The following WDPCP variants were observed in gnomAD, a reference collection of about 807,000 sequenced individuals.
The protein encoded by WDPCP is WD repeat-containing and planar cell polarity effector protein fritz homolog.
In WDPCP, 71 loss-of-function variants were observed where a neutral mutation model predicts 93.1. That is an observed-to-expected ratio of 0.76 (90% confidence interval 0.63 to 0.93). The LOEUF is 0.93. Among genes scored for constraint, WDPCP ranks in the 40% least tolerant of loss-of-function variants. The pLI is 0.00. For missense variants in WDPCP, 844 were observed against 887.4 expected (o/e 0.95, Z 0.62); for synonymous variants, 315 against 315.0 (o/e 1.00, Z 0.00).
chr2:63,713,169 A>C (rs1669288309), intron 2 of WDPCP, among the ~76,000 whole-genome samples: 1 of 152,210 alleles, frequency 6.6e-6, no homozygotes, highest in South Asian at 2.1e-4. Flanking sequence ...CCTCCAAGAA[A>C]GAGTGAGGTC....
intron 13 of WDPCP, among the ~76,000 whole-genome samples, chr2:63,269,846 G>A (rs1002423232): frequency 1.3e-5 from 2 of 152,058 alleles, no homozygotes; most frequent in Non-Finnish European, 2.9e-5. Flanking sequence ...TTTAAACCCT[G>A]GTCAAAGTTG....
intron 4 of WDPCP, 21 bp from the exon 5 acceptor site, chr2:63,485,008 T>C: frequency 6.2e-7 from 1 of 1,611,914 alleles, no homozygotes; most frequent in Middle Eastern, 1.7e-4. Flanking sequence ...AAACATGTAC[T>C]ACAGTTAGTT....
chr2:63,125,257 G>A (rs748795482), intron 17 of WDPCP, among the ~76,000 whole-genome samples: 1 of 152,182 alleles, frequency 6.6e-6, no homozygotes, highest in African/African-American at 2.4e-5. Context: ...TTATAGATAA[G>A]CTAACTAACT....
At chr2:63,531,832 C>G (rs1214996155) in intron 1 of WDPCP, among the ~76,000 whole-genome samples, 1 of 152,282 alleles carries the variant, frequency 6.6e-6, no homozygotes, top group Non-Finnish European at 1.5e-5. Flanking sequence ...TCCTCGCCAG[C>G]AGCAGAACAA....
intron 3 of WDPCP, among the ~76,000 whole-genome samples, chr2:63,600,323 C>T (rs1025039987): frequency 5.3e-5 from 8 of 152,146 alleles, no homozygotes; most frequent in Non-Finnish European, 1.2e-4. Context: ...ATTATCCCTG[C>T]ATTAGGTAAG....
At chr2:63,650,112 G>C (rs262483) in intron 3 of WDPCP, among the ~76,000 whole-genome samples, 120,399 of 152,188 alleles carry the variant, frequency 0.79, 48,084 homozygotes, top group East Asian at 0.98. Flanking sequence ...GGAATAACCA[G>C]CTTGGATGTT....
At chr2:63,488,952 G>A (rs1276245543) in intron 2 of WDPCP, among the ~76,000 whole-genome samples, 1 of 151,996 alleles carries the variant, frequency 6.6e-6, no homozygotes, top group Non-Finnish European at 1.5e-5. Context: ...GTGGGTACCA[G>A]AGCTGGATGG....
intron 14 of WDPCP, chr2:63,233,029 G>C (rs1284991172): frequency 6.4e-6 from 1 of 156,386 alleles, no homozygotes; most frequent in Non-Finnish European, 1.4e-5. Context: ...CCCCATGTTG[G>C]CATTTGTCTC....
chr2:63,540,589 A>G (rs1462602913), intron 1 of WDPCP, among the ~76,000 whole-genome samples: 4 of 152,026 alleles, frequency 2.6e-5, no homozygotes, highest in Admixed American at 2.6e-4. Flanking sequence ...ACTGTTTTAT[A>G]TTATATGTGT....
chr2:63,697,229 C>T (rs188911717), intron 2 of WDPCP, among the ~76,000 whole-genome samples: 35 of 152,252 alleles, frequency 2.3e-4, no homozygotes, highest in African/African-American at 8.4e-4. Flanking sequence ...CAAATGTTGA[C>T]TCACTTAAAT....
rs140147432 is a variant in WDPCP at position 63,731,013 on chromosome 2, G to C, written n.309-80175C>G. Among the ~76,000 whole-genome samples the C allele has an allele frequency of 4.2e-3, 636 of 152,224 alleles. 6 individuals are homozygous for C. The highest frequency in any genetic ancestry group is 0.015 in the African/African-American group (607 of 41,552). The stretch of plus-strand genomic sequence containing the variant: ...AGGCCGGGTACGGTGGCTCATGCCT[G>C]TAATCCCAGCACTTTGGGAGGCCGA... On this transcript the variant is annotated intron_variant and non_coding_transcript_variant, in intron 2 of 4. Transcript: ENST00000467687.
intron 3 of WDPCP, among the ~76,000 whole-genome samples, chr2:63,649,565 C>CTATGG (rs1284589753): frequency 6.6e-6 from 1 of 152,168 alleles, no homozygotes; most frequent in African/African-American, 2.4e-5. Flanking sequence ...GTATATACAG[C>CTATGG]TATGGTAAAA....
intron 1 of WDPCP, chr2:63,564,764 G>A (rs529620340): frequency 2.1e-5 from 3 of 145,218 alleles, no homozygotes; most frequent in African/African-American, 7.7e-5. Context: ...TGTTACTAAA[G>A]CTTAAAACTG....
chr2:63,644,034 G>A (rs1710016736), intron 3 of WDPCP: 2 of 423,640 alleles, frequency 4.7e-6, no homozygotes, highest in Admixed American at 5.1e-5. Context: ...TGCTTCTTAG[G>A]ACCAAAGCCA....
At chr2:63,689,380 G>A (rs1293675489) in intron 2 of WDPCP, among the ~76,000 whole-genome samples, 1 of 152,114 alleles carries the variant, frequency 6.6e-6, no homozygotes, top group South Asian at 2.1e-4. Flanking sequence ...CTTTGATGCT[G>A]TTTTCTCCAC....
At chr2:63,706,388 T>C (rs1458948423) in intron 2 of WDPCP, among the ~76,000 whole-genome samples, 1 of 152,152 alleles carries the variant, frequency 6.6e-6, no homozygotes, top group African/African-American at 2.4e-5. Flanking sequence ...TTCTTCCTAG[T>C]CTTGATGGTC....
intron 1 of WDPCP, among the ~76,000 whole-genome samples, chr2:63,524,026 A>T (rs1703139006): frequency 6.6e-6 from 1 of 152,236 alleles, no homozygotes; most frequent in African/African-American, 2.4e-5. Flanking sequence ...AGACACAAAA[A>T]GAATAAAATA....
rs911288707 is a variant in WDPCP at position 63,813,320 on chromosome 2, C to T, written n.308+302G>A. ...GGTTTCAGGAGAAGTATTAATATAC[C>T]GAGTATATTTGGGACATAATAATTT... On this transcript the variant is annotated intron_variant and non_coding_transcript_variant, in intron 2 of 4. Transcript: ENST00000467687. 5.3e-5 allele frequency among the ~76,000 whole-genome samples: 8 copies of T among 152,034 alleles called. No individual in the cohort carries two copies. In the East Asian group the frequency reaches 1.2e-3, roughly 22 times the overall value.
chr2:63,836,708 C>A, the WDPCP span, among the ~76,000 whole-genome samples: 1 of 152,104 alleles, frequency 6.6e-6, no homozygotes, highest in Non-Finnish European at 1.5e-5. Context: ...CAGTTTTGCA[C>A]ATGAGAGAAA....
Sources: allele counts gnomAD v4.1 joint callset (sites outside exome capture counted in the v4.1 genomes callset), GRCh38; gene constraint gnomAD v4.1.1; transcripts MANE v1.5; gene names NCBI Gene and HGNC (gene_info 2026-07-23, HGNC 2026-07-21).